Variants in N4BP2L1 observed in about 807,000 individuals in gnomAD.
N4BP2L1 encodes NEDD4 binding protein 2 like 1, also known as NEDD4-binding protein 2-like 1.
Under a neutral mutation model 21.2 loss-of-function variants are expected in N4BP2L1, and 12 were observed. The observed-to-expected ratio is 0.57, with a 90% CI of 0.36 to 0.92. The LOEUF is 0.92. Among genes scored for constraint, N4BP2L1 ranks in the 40% least tolerant of loss-of-function variants. The pLI, the probability that N4BP2L1 is intolerant of heterozygous loss-of-function variation, is 0.01. For synonymous variants in N4BP2L1, 104 were observed against 112.8 expected, an observed-to-expected ratio of 0.92 and a Z score of 0.49; for missense variants, 259 against 310.6, an observed-to-expected ratio of 0.83 and a Z score of 1.25.
chr13:32,420,884 G>A (rs1292177405), intron 1 of N4BP2L1, among the ~76,000 whole-genome samples: 1 of 151,716 alleles, frequency 6.6e-6, no homozygotes, highest in Admixed American at 6.6e-5. Context: ...TAGTAGAGAC[G>A]GGGTTTCACC....
rs899717517 is a variant in N4BP2L1, at chr13:32,402,341, T to G, written c.*601A>C. ...TGACAGCATTTTTAACAATGATACA[T>G]CATTAAAATAAAGAAATAACTTCCC... On this transcript the variant is annotated 3_prime_UTR_variant, in exon 5 of 5. Transcript: ENST00000380130. 4 of 582,430 alleles carry G rather than the reference T, an allele frequency of 6.9e-6. No individual in the cohort carries two copies. The African/African-American group carries it at 8.2e-5, about 12-fold the overall frequency. 36.1% of individuals were successfully genotyped at this position (582,430 alleles called of 1,614,324 possible).
intron 1 of N4BP2L1, among the ~76,000 whole-genome samples, chr13:32,411,272 C>T (rs1453782439): frequency 1.3e-5 from 2 of 151,780 alleles, no homozygotes; most frequent in African/African-American, 4.8e-5. Context: ...CATACTCTTC[C>T]TAACAAACAG....
In N4BP2L1 at chr13:32,402,315, T is replaced by C; in HGVS notation, c.*627A>G. 1.7e-6 allele frequency: 1 copy of C among 578,994 alleles called. No individual in the cohort carries two copies. The highest frequency in any genetic ancestry group is 2.2e-6 in the Non-Finnish European group (1 of 459,060). 35.9% of individuals were successfully genotyped at this position (578,994 alleles called of 1,614,324 possible). ...AGTAGCTCCTGTAGCTATTAAGGAT[T>C]TGACAGCATTTTTAACAATGATACA... On this transcript the variant is annotated 3_prime_UTR_variant, in exon 5 of 5. Coordinates refer to ENST00000380130, the MANE Select transcript of N4BP2L1 (RefSeq NM_052818.3).
chr13:32,423,165 C>T (rs1186697150), intron 1 of N4BP2L1, among the ~76,000 whole-genome samples: 1 of 152,174 alleles, frequency 6.6e-6, no homozygotes, highest in African/African-American at 2.4e-5. Flanking sequence ...TCCGCCTTAC[C>T]ATTGCATCAC....
intron 3 of N4BP2L1, among the ~76,000 whole-genome samples, chr13:32,406,032 AG>A (rs2073475678): frequency 6.6e-6 from 1 of 150,388 alleles, no homozygotes; most frequent in South Asian, 2.1e-4. Context: ...ACTCCCCAGT[AG>A]CTGGGACTAC....
At chr13:32,423,141 C>T (rs1036210507) in intron 1 of N4BP2L1, among the ~76,000 whole-genome samples, 1 of 152,224 alleles carries the variant, frequency 6.6e-6, no homozygotes, top group African/African-American at 2.4e-5. Context: ...GTAAAGTATA[C>T]TTTTCTCCCC....
Position 32,402,505 on chromosome 13 carries a change from TGATAAGTAGCAA to T in N4BP2L1, c.*425_*436del, listed in dbSNP as rs1405343309. The stretch of plus-strand genomic sequence containing the variant: ...GATTATCAAAGTAGCAATGGCACTT[TGATAAGTAGCAA>T]TGCCCCCCCACCACTTCTCTCCACC... On this transcript the variant is annotated 3_prime_UTR_variant, in exon 5 of 5. Coordinates refer to ENST00000380130, the MANE Select transcript of N4BP2L1 (RefSeq NM_052818.3). 7 of 275,912 alleles carry T rather than the reference TGATAAGTAGCAA, an allele frequency of 2.5e-5. No individual in the cohort carries two copies. The highest frequency in any genetic ancestry group is 3.0e-5 in the Non-Finnish European group (7 of 232,724). The allele number at this position is 275,912 out of a possible 1,614,324, so 17.1% of individuals were successfully genotyped here.
intron 1 of N4BP2L1, among the ~76,000 whole-genome samples, chr13:32,414,405 G>C (rs1001009122): frequency 2.0e-4 from 30 of 152,136 alleles, no homozygotes; most frequent in Non-Finnish European, 5.9e-5. Context: ...TGATCATTTA[G>C]AGATATTCTT....
chr13:32,402,943 T>G lies in N4BP2L1; in HGVS notation c.731A>C (p.Ter244SerextTer26), dbSNP rs770095742. 2 of 1,593,864 alleles carry G rather than the reference T, an allele frequency of 1.3e-6. No individual in the cohort carries two copies. The highest frequency in any genetic ancestry group is 2.7e-5 in the African/African-American group (2 of 74,280). The part of the protein sequence containing the change: ...HRRGGCHHGY[*>S] ...TCTGCCTGGCTGTAAGATAGGCCTC[T>G]AATATCCATGGTGACAACCGCCCCT... Residue 244 changes from the stop codon to serine, a stop_lost, in exon 5 of 5, where the codon TAG (stop) becomes TCG (serine). Coordinates refer to ENST00000380130, the MANE Select transcript of N4BP2L1 (RefSeq NM_052818.3).
chr13:32,404,456 T>C, intron 3 of N4BP2L1, 59 bp from the exon 4 acceptor site: 2 of 1,201,484 alleles, frequency 1.7e-6, no homozygotes, highest in South Asian at 2.6e-5. Context: ...TGGGAATGTT[T>C]ATGCTGCCAT....
rs59579033 is a variant in N4BP2L1 at position 32,406,048 on chromosome 13, G to A, written c.396+1202C>T. On this transcript the variant is annotated intron_variant, in intron 3 of 4. Coordinates refer to ENST00000380130, the MANE Select transcript of N4BP2L1 (RefSeq NM_052818.3). Reference sequence around the variant, plus strand: ...CTCCCCAGTAGCTGGGACTACAGGCGCCTGCCACCACGCCCGGCTAATTTT... The same window carrying A: ...CTCCCCAGTAGCTGGGACTACAGGCACCTGCCACCACGCCCGGCTAATTTT... Among the ~76,000 whole-genome samples the A allele has an allele frequency of 7.5e-3, 1,127 of 150,944 alleles. 18 individuals carry two copies. The highest frequency in any genetic ancestry group is 0.026 in the African/African-American group (1,069 of 41,126).
At position 32,402,598 on chromosome 13, in the gene N4BP2L1, G is replaced by A; in HGVS notation, c.*344C>T. 1.2e-5 allele frequency: 12 copies of A among 1,010,650 alleles called. No homozygotes were observed. The highest frequency in any genetic ancestry group is 1.4e-5 in the Non-Finnish European group (12 of 846,568). The allele number at this position is 1,010,650 out of a possible 1,614,324, so 62.6% of individuals were successfully genotyped here. The stretch of plus-strand genomic sequence containing the variant: ...CTGAAAAAATAAATAGATCACTTCA[G>A]AGCAAATGGTACTGAAGCTTATATA... On this transcript the variant is annotated 3_prime_UTR_variant, in exon 5 of 5. Coordinates refer to ENST00000380130, the MANE Select transcript of N4BP2L1 (RefSeq NM_052818.3).
intron 4 of N4BP2L1, chr13:32,403,550 T>C (rs1198641733): frequency 9.7e-6 from 4 of 411,424 alleles, no homozygotes; most frequent in Admixed American, 3.2e-5. Context: ...TATCTACTTA[T>C]GTTAATCAGT....
chr13:32,403,541 A>C (rs2073280736), intron 4 of N4BP2L1: 1 of 407,960 alleles, frequency 2.5e-6, no homozygotes, highest in Admixed American at 3.4e-5. Context: ...GCATATATCT[A>C]TCTACTTATG....
chr13:32,422,814 C>A (rs1008350271), intron 1 of N4BP2L1, among the ~76,000 whole-genome samples: 1 of 152,114 alleles, frequency 6.6e-6, no homozygotes, highest in Non-Finnish European at 1.5e-5. Flanking sequence ...TTAGGACCCA[C>A]CTTAGGAAAA....
At position 32,403,069 on chromosome 13, in the gene N4BP2L1, T is replaced by C; in HGVS notation, c.605A>G (p.Asn202Ser). 6.2e-7 allele frequency: 1 copy of C among 1,614,164 alleles called. No homozygotes were observed. The highest frequency in any genetic ancestry group is 8.5e-7 in the Non-Finnish European group (1 of 1,180,026). The change falls in exon 5 of 5, where the codon AAT becomes AGT. Residue 202 changes from asparagine (N) to serine (S), a missense_variant. Physicochemically the swap from Asn to Ser is conservative, Grantham distance 46. Around this residue, in one of 3 missense-constraint regions of N4BP2L1, gnomAD observed 108 missense variants for 107.8 expected, o/e 1.00. Coordinates refer to ENST00000380130, the MANE Select transcript of N4BP2L1 (RefSeq NM_052818.3). ...SRMNRNQDRN[N>S]ALPSNNARYW... ...TCTGGCATTGTTGGAAGGCAATGCA[T>C]TATTCCTGTCCTGGTTTCTGTTCAT...
At chr13:32,408,110 G>A (rs2073636000) in intron 1 of N4BP2L1, among the ~76,000 whole-genome samples, 1 of 152,140 alleles carries the variant, frequency 6.6e-6, no homozygotes, top group East Asian at 1.9e-4. Flanking sequence ...TTCTTCCTGG[G>A]CACCAATCCC....
At chr13:32,420,943 G>A (rs751320387) in intron 1 of N4BP2L1, among the ~76,000 whole-genome samples, 2 of 152,202 alleles carry the variant, frequency 1.3e-5, no homozygotes, top group East Asian at 1.9e-4. Context: ...GATTCCACCC[G>A]CCTCAGCCTC....
At position 32,407,454 on chromosome 13, in the gene N4BP2L1, T is replaced by A. The variant is rs751355407; in HGVS notation, c.308-116A>T. The A allele has an allele frequency of 1.3e-5, 20 of 1,589,022 alleles. No homozygotes were observed. The Admixed American group carries it at 2.6e-4, about 21-fold the overall frequency. On this transcript the variant is annotated intron_variant, in intron 2 of 4. Transcript: ENST00000380130. Reference sequence around the variant, plus strand: ...GCCCTCATCTCCTCATCACACAACTTCAGAGCCCACTATCAATCAATAATT... The same window carrying A: ...GCCCTCATCTCCTCATCACACAACTACAGAGCCCACTATCAATCAATAATT...
Sources: gnomAD v4.1 joint callset for allele counts (sites outside exome capture counted in the v4.1 genomes callset) on GRCh38, gnomAD v4.1.1 for gene constraint, gnomAD v4.1.1 regional missense constraint, MANE v1.5 for transcripts, NCBI Gene and HGNC (gene_info 2026-07-23, HGNC 2026-07-21) for gene names.